Variants in BOC observed in about 807,000 individuals in gnomAD.
The protein encoded by BOC is brother of CDO.
BOC carries 76 observed loss-of-function variants against 112.0 expected under a neutral mutation model. The observed-to-expected ratio is 0.68, with a 90% CI of 0.56 to 0.82. The LOEUF is 0.82. BOC is among the 40% of genes least tolerant of loss of function. The probability of loss-of-function intolerance (pLI) is 0.00; values close to 1 mark genes in which losing one functional copy is unlikely to be tolerated. For missense variants in BOC, 1,309 were observed against 1,511.7 expected (o/e 0.87, Z 2.22); for synonymous variants, 580 against 599.8 (o/e 0.97, Z 0.48).
intron 4 of BOC, among the ~76,000 whole-genome samples, chr3:113,260,660 A>G (rs28679287): frequency 0.026 from 3,259 of 125,598 alleles, 44 homozygotes; most frequent in Middle Eastern, 0.067. Context: ...ATTCTATTAG[A>G]ATAGAATAGA....
chr3:113,285,681 A>G (rs1949616143), intron 19 of BOC, 116 bp downstream of exon 19: 3 of 1,067,098 alleles, frequency 2.8e-6, no homozygotes, highest in Admixed American at 3.2e-5. Context: ...AGCCAGCCAC[A>G]GCATTTATGT....
rs940928669 is a variant in BOC at position 113,268,492 on chromosome 3, G to A, written c.523+47G>A. 3 of 1,581,158 alleles carry A rather than the reference G, an allele frequency of 1.9e-6. No homozygotes were observed. The African/African-American group carries it at 4.0e-5, about 21-fold the overall frequency. The stretch of plus-strand genomic sequence containing the variant: ...GGCCAAGGCTGAGGCCAGAAGGGAA[G>A]CTGGCCTCCTCCAACCGCTCGCTGC... On this transcript the variant is annotated intron_variant, in intron 5 of 19. Transcript: ENST00000682979.
At chr3:113,233,605 C>T (rs1412029107) in intron 2 of BOC, among the ~76,000 whole-genome samples, 1 of 152,084 alleles carries the variant, frequency 6.6e-6, no homozygotes, top group African/African-American at 2.4e-5. Flanking sequence ...ATTGCTATTC[C>T]TGAGTCCTTG....
intron 2 of BOC, among the ~76,000 whole-genome samples, chr3:113,221,150 A>G (rs920902956): frequency 2.6e-5 from 4 of 152,244 alleles, no homozygotes; most frequent in Non-Finnish European, 5.9e-5. Context: ...TCTTAGGGTT[A>G]TTGCAAAGAA....
intron 2 of BOC, among the ~76,000 whole-genome samples, chr3:113,246,829 CCTT>C (rs1944977055): frequency 6.6e-6 from 1 of 152,112 alleles, no homozygotes; most frequent in African/African-American, 2.4e-5. Context: ...GATACCTGCA[CCTT>C]CTCACTCCCT....
chr3:113,253,943 G>A (rs1945930498), intron 4 of BOC, among the ~76,000 whole-genome samples: 1 of 152,214 alleles, frequency 6.6e-6, no homozygotes, highest in Non-Finnish European at 1.5e-5. Flanking sequence ...CATTCATTTG[G>A]CCTAATTAGG....
At chr3:113,263,299 T>C (rs1410127888) in intron 4 of BOC, among the ~76,000 whole-genome samples, 1 of 152,218 alleles carries the variant, frequency 6.6e-6, no homozygotes, top group Non-Finnish European at 1.5e-5. Context: ...GAATGCAGGC[T>C]TGTCCTGTGA....
intron 2 of BOC, among the ~76,000 whole-genome samples, chr3:113,221,206 G>A (rs6792837): frequency 0.068 from 10,357 of 152,290 alleles, 891 homozygotes; most frequent in African/African-American, 0.2. Context: ...GTTGGGAGCA[G>A]TCTGTAGAAG....
At position 113,211,785 on chromosome 3, in the gene BOC, C is replaced by A. The variant is rs2107535364; in HGVS notation, c.-401C>A. 6.5e-6 allele frequency: 1 copy of A among 152,754 alleles called. No homozygotes were observed. Among genetic ancestry groups the A allele is most frequent in the East Asian group, 1.9e-4 (1 of 5,186 alleles). 9.5% of individuals were successfully genotyped at this position (152,754 alleles called of 1,614,324 possible). A position where few individuals can be genotyped will look rare whatever the true frequency, so the allele number is the denominator to read the frequency against. On this transcript the variant is annotated 5_prime_UTR_variant, in exon 1 of 20. Coordinates refer to ENST00000682979, the MANE Select transcript of BOC (RefSeq NM_001378074.1). ...CGCACACACGGCGCGCACACCCTCA[C>A]GCCCGCCACAGCCACAACACGCCCG...
At chr3:113,219,696 A>T (rs1210304888) in intron 2 of BOC, among the ~76,000 whole-genome samples, 1 of 152,050 alleles carries the variant, frequency 6.6e-6, no homozygotes, top group Non-Finnish European at 1.5e-5. Context: ...CTGTTAAGAG[A>T]CTCAAATTTA....
At chr3:113,234,795 C>G (rs1943195765) in intron 2 of BOC, among the ~76,000 whole-genome samples, 3 of 152,210 alleles carry the variant, frequency 2.0e-5, no homozygotes, top group Admixed American at 2.0e-4. Flanking sequence ...TTTTACTGCA[C>G]TTGGGAGCCA....
intron 2 of BOC, among the ~76,000 whole-genome samples, chr3:113,237,826 G>A (rs907357851): frequency 3.3e-5 from 5 of 152,154 alleles, no homozygotes; most frequent in Non-Finnish European, 7.3e-5. Flanking sequence ...TCAGGCTAAC[G>A]TTCTTTCTCG....
intron 1 of BOC, 68 bp downstream of exon 1, chr3:113,212,084 G>T (rs1938241239): frequency 6.6e-6 from 1 of 151,852 alleles, no homozygotes; most frequent in Admixed American, 6.6e-5. Flanking sequence ...TTCGGGGAGA[G>T]GAGGGGGCGG....
intron 9 of BOC, among the ~76,000 whole-genome samples, chr3:113,277,679 T>C (rs1948794603): frequency 1.3e-5 from 2 of 152,256 alleles, no homozygotes; most frequent in Admixed American, 6.5e-5. Context: ...GCTGATACTT[T>C]CGTTACCTTT....
At chr3:113,282,090 T>G (rs1949252068) in intron 15 of BOC, among the ~76,000 whole-genome samples, 1 of 152,000 alleles carries the variant, frequency 6.6e-6, no homozygotes, top group South Asian at 2.1e-4. Context: ...TAGCTCCAGA[T>G]GGTTGGGGTG....
chr3:113,276,769 TC>T (rs1300388352), intron 9 of BOC, among the ~76,000 whole-genome samples: 1 of 152,192 alleles, frequency 6.6e-6, no homozygotes, highest in Non-Finnish European at 1.5e-5. Context: ...TAAAAACGTC[TC>T]CCCTTGGAAC....
chr3:113,276,905 CA>C (rs1249520217), intron 9 of BOC, among the ~76,000 whole-genome samples: 1 of 152,192 alleles, frequency 6.6e-6, no homozygotes, highest in Non-Finnish European at 1.5e-5. Context: ...CTTCCTTCAG[CA>C]AACCACAACT....
At chr3:113,275,755 G>A (rs1439651122) in intron 9 of BOC, among the ~76,000 whole-genome samples, 1 of 152,196 alleles carries the variant, frequency 6.6e-6, no homozygotes, top group African/African-American at 2.4e-5. Flanking sequence ...CCTGCACAGT[G>A]GAGAGCGCTA....
At chr3:113,273,599 A>G (rs1427486090) in intron 8 of BOC, among the ~76,000 whole-genome samples, 1 of 152,210 alleles carries the variant, frequency 6.6e-6, no homozygotes, top group Non-Finnish European at 1.5e-5. Flanking sequence ...TGGTAAAGAA[A>G]AGCCAGTCTG....
Sources: gnomAD v4.1 joint callset for allele counts (sites outside exome capture counted in the v4.1 genomes callset) on GRCh38, gnomAD v4.1.1 for gene constraint, MANE v1.5 for transcripts, NCBI Gene and HGNC (gene_info 2026-07-23, HGNC 2026-07-21) for gene names.